Variants in CCT6B observed in about 807,000 individuals in gnomAD.
The protein encoded by CCT6B is chaperonin containing TCP1 subunit 6B, also known as probable T-complex protein 1 subunit zeta-2.
Under a neutral mutation model 61.5 loss-of-function variants are expected in CCT6B, and 49 were observed. The observed-to-expected ratio is 0.80, with a 90% confidence interval of 0.63 to 1.01. CCT6B has a LOEUF of 1.01. Ranked by LOEUF, CCT6B falls within the 50% of genes least tolerant of loss-of-function variation. The pLI is 0.00. For synonymous variants in CCT6B, 228 were observed against 214.5 expected (o/e 1.06, Z -0.55); for missense variants, 666 against 634.7 (o/e 1.05, Z -0.53).
At chr17:34,960,058 C>T (rs1207517970) in intron 1 of CCT6B, among the ~76,000 whole-genome samples, 1 of 152,164 alleles carries the variant, frequency 6.6e-6, no homozygotes, top group Non-Finnish European at 1.5e-5. Context: ...AATTCTACTA[C>T]CTAAATATCT....
At chr17:34,942,311 A>C (rs1228867986) in intron 7 of CCT6B, among the ~76,000 whole-genome samples, 173 bp downstream of exon 7, 1 of 152,142 alleles carries the variant, frequency 6.6e-6, no homozygotes, top group East Asian at 1.9e-4. Flanking sequence ...CTTTTGCAGC[A>C]TCATTGCAAA....
chr17:34,941,835 G>C (rs2090167293), intron 7 of CCT6B, among the ~76,000 whole-genome samples: 1 of 152,152 alleles, frequency 6.6e-6, no homozygotes, highest in African/African-American at 2.4e-5. Flanking sequence ...AGGATCACTT[G>C]AGACCAGCCT....
At chr17:34,940,715 G>T in intron 7 of CCT6B, 94 bp from the exon 8 acceptor site, 1 of 520,004 alleles carries the variant, frequency 1.9e-6, no homozygotes, top group Admixed American at 3.5e-5. Flanking sequence ...TCTTAAAAAT[G>T]ATTAAGCACC....
At chr17:34,943,804 A>T (rs2090194035) in intron 5 of CCT6B, 1 of 150,756 alleles carries the variant, frequency 6.6e-6, no homozygotes, top group South Asian at 2.1e-4. Flanking sequence ...AAAAAAAAAC[A>T]ACTTGGCATT....
intron 5 of CCT6B, among the ~76,000 whole-genome samples, chr17:34,944,708 T>G (rs1021731761): frequency 1.3e-5 from 2 of 152,164 alleles, no homozygotes; most frequent in Non-Finnish European, 2.9e-5. Flanking sequence ...AGGCGGATCA[T>G]GAGGTCAGGA....
chr17:34,960,270 G>A (rs991099592), intron 1 of CCT6B, among the ~76,000 whole-genome samples: 1 of 152,160 alleles, frequency 6.6e-6, no homozygotes, highest in Admixed American at 6.5e-5. Flanking sequence ...ACACAGCAAT[G>A]ACATACTTGA....
intron 10 of CCT6B, among the ~76,000 whole-genome samples, chr17:34,933,792 C>T (rs545545252): frequency 3.9e-5 from 6 of 151,938 alleles, no homozygotes; most frequent in South Asian, 2.1e-4. Flanking sequence ...ATATTAGGAA[C>T]GAAGAAAGTT....
Position 34,936,360 on chromosome 17 carries a change from T to C in CCT6B, c.1213+2823A>G, listed in dbSNP as rs146579106. On this transcript the variant is annotated intron_variant, in intron 10 of 13. Transcript: ENST00000314144. Reference sequence around the variant, plus strand: ...TCATACATAATGGAGAAAGATTGAATGCTTTCCCCCTAAGATCAGCGATGA... The same window carrying C: ...TCATACATAATGGAGAAAGATTGAACGCTTTCCCCCTAAGATCAGCGATGA... Among the ~76,000 whole-genome samples, 42 of 152,320 alleles carry C rather than the reference T, an allele frequency of 2.8e-4. No homozygotes were observed. The East Asian group carries it at 7.9e-3, about 29-fold the overall frequency.
At chr17:34,938,057 TTG>T (rs1190374190) in intron 10 of CCT6B, among the ~76,000 whole-genome samples, 1 of 150,868 alleles carries the variant, frequency 6.6e-6, no homozygotes. Context: ...GCCTGGCTAT[TTG>T]TGTGTGTGTG....
intron 8 of CCT6B, among the ~76,000 whole-genome samples, chr17:34,940,104 T>C (rs1417416820): frequency 1.3e-5 from 2 of 152,168 alleles, no homozygotes; most frequent in Non-Finnish European, 2.9e-5. Context: ...TGTTGGACAA[T>C]AGATCTCTTG....
chr17:34,937,571 A>C (rs1455729942), intron 10 of CCT6B, among the ~76,000 whole-genome samples: 3 of 152,218 alleles, frequency 2.0e-5, no homozygotes, highest in Non-Finnish European at 4.4e-5. Context: ...AATTTAACTT[A>C]AAATGAATCA....
At chr17:34,940,707 T>C (rs1351059130) in intron 7 of CCT6B, 86 bp from the exon 8 acceptor site, 3 of 552,488 alleles carry the variant, frequency 5.4e-6, no homozygotes, top group African/African-American at 3.9e-5. Flanking sequence ...CTTTACTCTC[T>C]TAAAAATGAT....
At chr17:34,934,137 A>G (rs566368522) in intron 10 of CCT6B, among the ~76,000 whole-genome samples, 3 of 151,732 alleles carry the variant, frequency 2.0e-5, no homozygotes, top group South Asian at 4.2e-4. Flanking sequence ...TCAAAAAGAA[A>G]AAAAAAAAAA....
intron 7 of CCT6B, among the ~76,000 whole-genome samples, chr17:34,941,944 G>A (rs902558633): frequency 3.9e-5 from 6 of 151,984 alleles, no homozygotes; most frequent in African/African-American, 7.3e-5. Flanking sequence ...AAGCTGAGGT[G>A]GAAAGATCAC....
chr17:34,958,801 A>C, intron 2 of CCT6B, 107 bp from the exon 3 acceptor site: 1 of 746,372 alleles, frequency 1.3e-6, no homozygotes. Context: ...AAATGAAATA[A>C]GCTTCATTCT....
intron 4 of CCT6B, 45 bp from the exon 5 acceptor site, chr17:34,952,098 A>G (rs1252446777): frequency 3.4e-6 from 4 of 1,192,302 alleles, no homozygotes; most frequent in Non-Finnish European, 4.9e-6. Context: ...TTGGACTACT[A>G]AAATAAACCA....
intron 4 of CCT6B, among the ~76,000 whole-genome samples, chr17:34,952,770 C>A (rs952842908): frequency 6.6e-6 from 1 of 151,952 alleles, no homozygotes; most frequent in Admixed American, 6.6e-5. Flanking sequence ...TTATAACTAC[C>A]CTAAAATATA....
intron 5 of CCT6B, 173 bp from the exon 6 acceptor site, chr17:34,943,079 G>T (rs1278011058): frequency 1.9e-6 from 1 of 524,146 alleles, no homozygotes; most frequent in Non-Finnish European, 3.4e-6. Context: ...TGGGGGTCTT[G>T]CTATGATGTC....
At chr17:34,957,427 A>G (rs1235005472) in intron 3 of CCT6B, among the ~76,000 whole-genome samples, 1 of 152,130 alleles carries the variant, frequency 6.6e-6, no homozygotes, top group Non-Finnish European at 1.5e-5. Flanking sequence ...TACAGGTGTG[A>G]GCCACCGCAC....
Sources: allele counts gnomAD v4.1 joint callset (sites outside exome capture counted in the v4.1 genomes callset), GRCh38; gene constraint gnomAD v4.1.1; transcripts MANE v1.5; gene names NCBI Gene and HGNC (gene_info 2026-07-23, HGNC 2026-07-21).